The following CCSER1 variants were observed in gnomAD, a reference collection of about 807,000 sequenced individuals.
CCSER1 encodes the protein serine-rich coiled-coil domain-containing protein 1.
CCSER1 carries 41 observed loss-of-function variants against 82.0 expected under a neutral mutation model. The ratio of observed to expected loss-of-function variants is 0.50; its 90% CI spans 0.39 to 0.65. The LOEUF (loss-of-function observed/expected upper bound fraction) is 0.65. CCSER1 is among the 30% of genes least tolerant of loss of function. The pLI, the probability that CCSER1 is intolerant of heterozygous loss-of-function variation, is 0.00. For missense variants in CCSER1, 1,119 were observed against 1,064.2 expected, an observed-to-expected ratio of 1.05 and a Z score of -0.72; for synonymous variants, 414 against 383.9, an observed-to-expected ratio of 1.08 and a Z score of -0.92.
At position 90,525,049 on chromosome 4, in the gene CCSER1, A is replaced by G. The variant is rs1009985716; in HGVS notation, c.1724+56695A>G. Among the ~76,000 whole-genome samples, 15 of 152,244 alleles carry G rather than the reference A, an allele frequency of 9.9e-5. No individual in the cohort carries two copies. In the South Asian group the frequency reaches 2.7e-3, roughly 27 times the overall value. ...GAAAAGCTAGGAAGTTTATATTAAA[A>G]TACTGTTTTTAAGATTTAGATTCAT... On this transcript the variant is annotated intron_variant, in intron 5 of 10. Coordinates refer to ENST00000509176, the MANE Select transcript of CCSER1 (RefSeq NM_001145065.2).
intron 9 of CCSER1, among the ~76,000 whole-genome samples, chr4:91,055,554 C>A (rs1743369685): frequency 6.6e-6 from 1 of 152,050 alleles, no homozygotes; most frequent in African/African-American, 2.4e-5. Context: ...AATTGTGTCT[C>A]TGTTTATGCT....
intron 10 of CCSER1, among the ~76,000 whole-genome samples, chr4:91,378,340 C>T (rs1262014638): frequency 6.6e-6 from 1 of 152,118 alleles, no homozygotes; most frequent in Non-Finnish European, 1.5e-5. Context: ...TTACCTTGGG[C>T]AGTGTGGCCA....
At chr4:90,410,875 T>C (rs1407549721) in intron 4 of CCSER1, among the ~76,000 whole-genome samples, 2 of 152,058 alleles carry the variant, frequency 1.3e-5, no homozygotes, top group African/African-American at 4.8e-5. Context: ...GATAGACCAC[T>C]AGCAAGACTA....
intron 9 of CCSER1, among the ~76,000 whole-genome samples, chr4:91,080,684 A>G (rs1173519649): frequency 6.6e-6 from 1 of 152,188 alleles, no homozygotes. Flanking sequence ...ACTAATATGG[A>G]AGAAAAAAGA....
intron 3 of CCSER1, among the ~76,000 whole-genome samples, chr4:90,349,140 T>C (rs186181157): frequency 6.6e-6 from 1 of 152,254 alleles, no homozygotes; most frequent in Admixed American, 6.5e-5. Flanking sequence ...TTAGGGAATT[T>C]GGGAAGGTGA....
chr4:90,786,442 G>A (rs1754529061), intron 7 of CCSER1, among the ~76,000 whole-genome samples: 1 of 151,880 alleles, frequency 6.6e-6, no homozygotes, highest in South Asian at 2.1e-4. Context: ...TTATTTCCCA[G>A]ATAATGTATT....
intron 1 of CCSER1, among the ~76,000 whole-genome samples, chr4:90,136,927 AAATT>A (rs1417689085): frequency 1.3e-5 from 2 of 152,198 alleles, no homozygotes; most frequent in African/African-American, 4.8e-5. Context: ...TTATAAATAT[AAATT>A]AAGAATAACT....
chr4:91,531,556 A>G lies in CCSER1; in HGVS notation c.2218-67016A>G, dbSNP rs111827007. Among the ~76,000 whole-genome samples the G allele has an allele frequency of 1.9e-3, 289 of 152,348 alleles. 1 individual carries two copies. The highest frequency in any genetic ancestry group is 6.8e-3 in the African/African-American group (281 of 41,584). ...GGAAAGTGTTTAACTTACAGATAGTAAATTGTTAGTTACTCCATGTTTTAG... is the reference window on the plus strand; with the variant it reads ...GGAAAGTGTTTAACTTACAGATAGTGAATTGTTAGTTACTCCATGTTTTAG... On this transcript the variant is annotated intron_variant, in intron 10 of 10. Transcript: ENST00000509176.
chr4:91,539,849 T>A (rs2110192419), intron 10 of CCSER1, among the ~76,000 whole-genome samples: 1 of 152,194 alleles, frequency 6.6e-6, no homozygotes, highest in East Asian at 1.9e-4. Context: ...AGTGCACAGC[T>A]TATTGAATCA....
chr4:90,318,775 C>T (rs1182608836), intron 3 of CCSER1, among the ~76,000 whole-genome samples: 1 of 152,106 alleles, frequency 6.6e-6, no homozygotes, highest in African/African-American at 2.4e-5. Context: ...CATTATAATT[C>T]TTCATTTCTT....
chr4:90,637,864 TGTAGACATTG>T (rs1725711937), intron 6 of CCSER1, among the ~76,000 whole-genome samples: 1 of 142,290 alleles, frequency 7.0e-6, no homozygotes, highest in African/African-American at 2.9e-5. Flanking sequence ...TATTTGTAGT[TGTAGACATTG>T]GTATCCAAAG....
At chr4:90,520,465 T>C (rs937372002) in intron 5 of CCSER1, among the ~76,000 whole-genome samples, 1 of 152,208 alleles carries the variant, frequency 6.6e-6, no homozygotes, top group Non-Finnish European at 1.5e-5. Flanking sequence ...TTGTTGCTTT[T>C]ACTAACATTG....
intron 10 of CCSER1, among the ~76,000 whole-genome samples, chr4:91,147,489 C>T (rs1360212541): frequency 6.6e-6 from 1 of 152,220 alleles, no homozygotes; most frequent in Non-Finnish European, 1.5e-5. Context: ...AGATTCCCCG[C>T]TCCCATGCCA....
chr4:90,129,913 G>A (rs1722522213), intron 1 of CCSER1, among the ~76,000 whole-genome samples: 1 of 152,116 alleles, frequency 6.6e-6, no homozygotes, highest in Non-Finnish European at 1.5e-5. Context: ...TTTGAACATA[G>A]ATATAATAGG....
chr4:90,220,631 A>G (rs951951700), intron 1 of CCSER1, among the ~76,000 whole-genome samples: 1 of 152,162 alleles, frequency 6.6e-6, no homozygotes, highest in Non-Finnish European at 1.5e-5. Context: ...ACGTTTCTGT[A>G]CTTTGTATCC....
At chr4:91,092,331 A>G (rs1186969047) in intron 10 of CCSER1, among the ~76,000 whole-genome samples, 1 of 152,182 alleles carries the variant, frequency 6.6e-6, no homozygotes, top group Non-Finnish European at 1.5e-5. Flanking sequence ...CACATGGGTT[A>G]CTTCATGAGC....
chr4:91,158,624 G>C (rs943585847), intron 10 of CCSER1, among the ~76,000 whole-genome samples: 2 of 131,470 alleles, frequency 1.5e-5, no homozygotes, highest in Non-Finnish European at 3.1e-5. Flanking sequence ...CTCTTTCTGT[G>C]TGTGTGTGTG....
intron 10 of CCSER1, among the ~76,000 whole-genome samples, chr4:91,319,397 C>G (rs1746041002): frequency 6.6e-6 from 1 of 151,914 alleles, no homozygotes; most frequent in African/African-American, 2.4e-5. Context: ...AAGAGTCTAT[C>G]ACCAATCCAC....
At chr4:91,482,723 A>G (rs1410777568) in intron 10 of CCSER1, among the ~76,000 whole-genome samples, 5 of 152,240 alleles carry the variant, frequency 3.3e-5, no homozygotes, top group Non-Finnish European at 7.3e-5. Context: ...GGCTAGATTA[A>G]GAAAATGTGG....
Sources: allele counts gnomAD v4.1 joint callset (sites outside exome capture counted in the v4.1 genomes callset), GRCh38; gene constraint gnomAD v4.1.1; transcripts MANE v1.5; gene names NCBI Gene and HGNC (gene_info 2026-07-23, HGNC 2026-07-21).